Variants in CTNNA2 observed in about 807,000 individuals in gnomAD.
CTNNA2 encodes the protein catenin alpha-2.
CTNNA2 carries 42 observed loss-of-function variants against 101.0 expected under a neutral mutation model. The observed-to-expected ratio is 0.42, with a 90% CI of 0.32 to 0.54. The LOEUF (loss-of-function observed/expected upper bound fraction) is 0.54, where lower values mean the gene tolerates loss of function less well. Ranked by LOEUF, CTNNA2 falls within the 20% of genes least tolerant of loss-of-function variation. The pLI, the probability that CTNNA2 is intolerant of heterozygous loss-of-function variation, is 0.14. For missense variants in CTNNA2, 871 were observed against 1,223.1 expected (o/e 0.71, Z 4.29); for synonymous variants, 450 against 456.4 (o/e 0.99, Z 0.18).
chr2:79,993,581 A>G (rs1014546930), intron 7 of CTNNA2, among the ~76,000 whole-genome samples: 2 of 150,880 alleles, frequency 1.3e-5, no homozygotes, highest in Non-Finnish European at 3.0e-5. Context: ...TCAGGAAACT[A>G]GAATAGGAAG....
intron 8 of CTNNA2, among the ~76,000 whole-genome samples, chr2:80,407,979 T>G (rs1457856959): frequency 6.6e-6 from 1 of 152,232 alleles, no homozygotes; most frequent in Non-Finnish European, 1.5e-5. Context: ...GAAAGTGTGT[T>G]GAGTCCTTTA....
chr2:79,422,302 A>AG (rs1052423406), intron 4 of CTNNA2, among the ~76,000 whole-genome samples: 1 of 151,970 alleles, frequency 6.6e-6, no homozygotes, highest in Non-Finnish European at 1.5e-5. Flanking sequence ...GCTCTAAACC[A>AG]GGGGGAGTTT....
At chr2:80,636,611 A>G (rs576416890) in intron 18 of CTNNA2, among the ~76,000 whole-genome samples, 1 of 152,298 alleles carries the variant, frequency 6.6e-6, no homozygotes, top group Non-Finnish European at 1.5e-5. Context: ...AATATGAGAT[A>G]TTTATAAATG....
chr2:79,269,949 G>C (rs17016665), intron 2 of CTNNA2, among the ~76,000 whole-genome samples: 21,508 of 152,110 alleles, frequency 0.14, 1,656 homozygotes, highest in African/African-American at 0.2. Context: ...TTAGAATCCA[G>C]TACAGGATGG....
chr2:80,316,701 C>T (rs1678159268), intron 7 of CTNNA2, among the ~76,000 whole-genome samples: 1 of 152,156 alleles, frequency 6.6e-6, no homozygotes, highest in South Asian at 2.1e-4. Context: ...GGGACAACTT[C>T]TTTGAAGCTA....
chr2:80,555,420 C>G (rs1692946070), intron 11 of CTNNA2, among the ~76,000 whole-genome samples: 2 of 152,180 alleles, frequency 1.3e-5, no homozygotes, highest in South Asian at 4.1e-4. Context: ...GACAGAAACT[C>G]AATTTCTTGG....
chr2:79,921,114 T>C (rs1374728474), intron 7 of CTNNA2, among the ~76,000 whole-genome samples: 1 of 152,118 alleles, frequency 6.6e-6, no homozygotes, highest in Non-Finnish European at 1.5e-5. Context: ...TGAAAGTAGG[T>C]ACTGTGTTTG....
At chr2:80,569,125 T>C (rs781157329) in intron 12 of CTNNA2, among the ~76,000 whole-genome samples, 3 of 152,146 alleles carry the variant, frequency 2.0e-5, no homozygotes, top group Non-Finnish European at 4.4e-5. Flanking sequence ...TTCTCATTCA[T>C]TTAACTGACT....
intron 4 of CTNNA2, among the ~76,000 whole-genome samples, chr2:79,499,777 C>G (rs960542159): frequency 6.6e-6 from 1 of 152,200 alleles, no homozygotes; most frequent in African/African-American, 2.4e-5. Context: ...TGGAGCCTTG[C>G]AGGCACCACT....
chr2:79,475,155 A>AT (rs1011956574), intron 4 of CTNNA2, among the ~76,000 whole-genome samples: 149 of 148,846 alleles, frequency 1.0e-3, no homozygotes, highest in Admixed American at 1.6e-3. Flanking sequence ...GCTCCCCATA[A>AT]TTTTTTTTTT....
At chr2:80,324,256 C>G (rs1382887662) in intron 7 of CTNNA2, among the ~76,000 whole-genome samples, 3 of 152,118 alleles carry the variant, frequency 2.0e-5, no homozygotes, top group Admixed American at 2.0e-4. Context: ...TGAAGGGGGT[C>G]GACAAAGGGG....
intron 1 of CTNNA2, among the ~76,000 whole-genome samples, chr2:79,604,210 T>C (rs972747820): frequency 4.6e-5 from 7 of 152,226 alleles, no homozygotes; most frequent in Non-Finnish European, 7.3e-5. Context: ...TGTGTATCAC[T>C]TTTGCACCAT....
intron 7 of CTNNA2, among the ~76,000 whole-genome samples, chr2:79,931,613 C>T (rs981947351): frequency 3.3e-5 from 5 of 152,160 alleles, no homozygotes; most frequent in Non-Finnish European, 7.3e-5. Context: ...TTTGCATTTC[C>T]TCAACAATGG....
At chr2:79,479,398 T>A (rs1044558661) in intron 4 of CTNNA2, among the ~76,000 whole-genome samples, 12 of 152,214 alleles carry the variant, frequency 7.9e-5, no homozygotes, top group African/African-American at 2.9e-4. Flanking sequence ...TATTTTCACC[T>A]GAACCACTTG....
At chr2:80,213,403 G>T (rs1708036977) in intron 7 of CTNNA2, among the ~76,000 whole-genome samples, 1 of 152,030 alleles carries the variant, frequency 6.6e-6, no homozygotes. Flanking sequence ...CAGAGATTCT[G>T]GTATGTTGTG....
At chr2:79,546,912 C>A (rs1673767986) in intron 1 of CTNNA2, among the ~76,000 whole-genome samples, 1 of 152,168 alleles carries the variant, frequency 6.6e-6, no homozygotes, top group African/African-American at 2.4e-5. Context: ...TGATTCCTTT[C>A]CAGATTCAAG....
At chr2:79,848,908 C>T (rs1346449113) in intron 3 of CTNNA2, among the ~76,000 whole-genome samples, 1 of 152,072 alleles carries the variant, frequency 6.6e-6, no homozygotes, top group Non-Finnish European at 1.5e-5. Flanking sequence ...GATTTATTGG[C>T]CTCACAGCAA....
chr2:79,214,476 A>C (rs1047647618), intron 2 of CTNNA2, among the ~76,000 whole-genome samples: 2 of 152,152 alleles, frequency 1.3e-5, no homozygotes, highest in African/African-American at 2.4e-5. Context: ...TTGTAAGGAA[A>C]GTTTATAGGC....
At chr2:80,497,821 A>C (rs2149527655) in intron 9 of CTNNA2, among the ~76,000 whole-genome samples, 1 of 152,282 alleles carries the variant, frequency 6.6e-6, no homozygotes, top group African/African-American at 2.4e-5. Context: ...ACTGCCAGCA[A>C]GAAAGTGGGA....
Sources: gnomAD v4.1 joint callset for allele counts (sites outside exome capture counted in the v4.1 genomes callset) on GRCh38, gnomAD v4.1.1 for gene constraint, MANE v1.5 for transcripts, NCBI Gene and HGNC (gene_info 2026-07-23, HGNC 2026-07-21) for gene names.